The following NAALADL2 variants were observed in gnomAD, a reference collection of about 807,000 sequenced individuals.
NAALADL2 encodes N-acetylated alpha-linked acidic dipeptidase like 2.
In NAALADL2, 76 loss-of-function variants were observed where a neutral mutation model predicts 87.2. The ratio of observed to expected loss-of-function variants is 0.87; its 90% CI spans 0.72 to 1.05. The LOEUF (loss-of-function observed/expected upper bound fraction) is 1.05, where lower values mean the gene tolerates loss of function less well. Among genes scored for constraint, NAALADL2 ranks in the 50% least tolerant of loss-of-function variants. The pLI is 0.00. For missense variants in NAALADL2, 1,089 were observed against 945.8 expected (o/e 1.15, Z -1.99); for synonymous variants, 354 against 331.0 (o/e 1.07, Z -0.75).
chr3:174,737,956 A>T (rs983594867), intron 3 of NAALADL2, among the ~76,000 whole-genome samples: 3 of 152,098 alleles, frequency 2.0e-5, no homozygotes, highest in Non-Finnish European at 4.4e-5. Context: ...TTTGGGTAGC[A>T]TTATATAAAT....
At chr3:174,517,999 A>G (rs1720037603) in intron 1 of NAALADL2, among the ~76,000 whole-genome samples, 2 of 152,122 alleles carry the variant, frequency 1.3e-5, no homozygotes, top group Admixed American at 1.3e-4. Context: ...GAGGTGATCA[A>G]TGGTAATTAA....
intron 1 of NAALADL2, among the ~76,000 whole-genome samples, chr3:174,888,906 G>A (rs1334524033): frequency 4.6e-5 from 7 of 152,118 alleles, no homozygotes; most frequent in African/African-American, 1.4e-4. Context: ...AAAATGTTGC[G>A]TGACAATAAA....
intron 1 of NAALADL2, among the ~76,000 whole-genome samples, chr3:175,060,350 A>G (rs1392708845): frequency 6.6e-6 from 1 of 152,226 alleles, no homozygotes; most frequent in African/African-American, 2.4e-5. Context: ...TTTCATCCAC[A>G]TGTTCCAAAA....
chr3:174,976,198 A>G (rs1744340436), intron 1 of NAALADL2, among the ~76,000 whole-genome samples: 1 of 152,182 alleles, frequency 6.6e-6, no homozygotes, highest in South Asian at 2.1e-4. Flanking sequence ...AAAGATTTGA[A>G]AGCAGTTTTG....
intron 1 of NAALADL2, among the ~76,000 whole-genome samples, chr3:174,954,298 G>A (rs1445874554): frequency 6.6e-6 from 1 of 152,096 alleles, no homozygotes; most frequent in African/African-American, 2.4e-5. Context: ...TTATGCAGAT[G>A]TAACTTGAAT....
At chr3:175,451,021 AG>A (rs1721486333) in intron 6 of NAALADL2, among the ~76,000 whole-genome samples, 1 of 152,160 alleles carries the variant, frequency 6.6e-6, no homozygotes, top group Non-Finnish European at 1.5e-5. Context: ...AAATAGATAT[AG>A]AGAGAAGGTG....
At chr3:175,699,190 T>C (rs1021962183) in intron 11 of NAALADL2, among the ~76,000 whole-genome samples, 8 of 152,112 alleles carry the variant, frequency 5.3e-5, no homozygotes, top group African/African-American at 1.4e-4. Flanking sequence ...CAATACCTTA[T>C]TTGAATCCAT....
intron 2 of NAALADL2, among the ~76,000 whole-genome samples, chr3:174,657,442 C>T (rs972623946): frequency 7.9e-5 from 12 of 151,958 alleles, no homozygotes; most frequent in African/African-American, 2.7e-4. Flanking sequence ...CAGGCATGAG[C>T]GACCCTGCCC....
intron 2 of NAALADL2, 99 bp from the exon 3 acceptor site, chr3:175,233,832 A>G (rs1581038553): frequency 1.5e-6 from 1 of 684,552 alleles, no homozygotes; most frequent in East Asian, 2.7e-5. Flanking sequence ...TCAATATTCC[A>G]CAACATCTAT....
intron 4 of NAALADL2, among the ~76,000 whole-genome samples, chr3:175,272,894 T>A (rs1753055764): frequency 6.6e-6 from 1 of 152,030 alleles, no homozygotes; most frequent in Admixed American, 6.6e-5. Flanking sequence ...AATCAAAGAT[T>A]AAAATAGTTG....
chr3:175,595,656 T>C (rs1722155611), intron 10 of NAALADL2, among the ~76,000 whole-genome samples: 2 of 148,396 alleles, frequency 1.3e-5, no homozygotes, highest in Non-Finnish European at 3.0e-5. Flanking sequence ...ACAGAGAAAA[T>C]GAAAACCTGG....
intron 2 of NAALADL2, among the ~76,000 whole-genome samples, chr3:174,628,318 A>T (rs980973022): frequency 2.0e-5 from 3 of 152,000 alleles, no homozygotes; most frequent in African/African-American, 7.3e-5. Context: ...TCTATTAAAA[A>T]TACAAAAAAT....
At chr3:174,555,814 C>T (rs1033920858) in intron 2 of NAALADL2, among the ~76,000 whole-genome samples, 13 of 152,020 alleles carry the variant, frequency 8.6e-5, no homozygotes, top group African/African-American at 1.2e-4. Flanking sequence ...AATTCTTTTA[C>T]GGCCAGTTCT....
At chr3:174,681,863 C>G (rs1560140783) in intron 2 of NAALADL2, among the ~76,000 whole-genome samples, 1 of 152,156 alleles carries the variant, frequency 6.6e-6, no homozygotes, top group Non-Finnish European at 1.5e-5. Flanking sequence ...GGCCTTGGCT[C>G]TTTGATTGCA....
At chr3:175,183,668 C>T (rs767883358) in intron 2 of NAALADL2, among the ~76,000 whole-genome samples, 10 of 151,956 alleles carry the variant, frequency 6.6e-5, no homozygotes, top group African/African-American at 2.4e-4. Context: ...CCTCGGATCC[C>T]GGTGATAAAT....
intron 2 of NAALADL2, among the ~76,000 whole-genome samples, chr3:174,713,668 T>G (rs1730904968): frequency 6.6e-6 from 1 of 152,106 alleles, no homozygotes; most frequent in Admixed American, 6.5e-5. Flanking sequence ...TCTTGTAAAT[T>G]TGTTTGAGTT....
intron 2 of NAALADL2, among the ~76,000 whole-genome samples, chr3:174,676,806 G>A (rs1359350999): frequency 6.6e-6 from 1 of 151,738 alleles, no homozygotes; most frequent in African/African-American, 2.4e-5. Flanking sequence ...CAAACAAAAT[G>A]TTATAAATTT....
rs570558628 is a variant in NAALADL2 at position 175,033,090 on chromosome 3, A to G, written c.44-63700A>G. 9.2e-5 allele frequency among the ~76,000 whole-genome samples: 14 copies of G among 152,010 alleles called. No individual in the cohort carries two copies. In the East Asian group the frequency reaches 1.8e-3, roughly 19 times the overall value. On this transcript the variant is annotated intron_variant, in intron 1 of 13. Coordinates refer to ENST00000454872, the MANE Select transcript of NAALADL2 (RefSeq NM_207015.3). ...ACACATCTTTTGTTCCTCAAAGCTCAAGCGGGGGATGGAAGAGTAAATGAG... is the reference window on the plus strand; with the variant it reads ...ACACATCTTTTGTTCCTCAAAGCTCGAGCGGGGGATGGAAGAGTAAATGAG...
At chr3:175,522,253 T>G (rs7612550) in intron 9 of NAALADL2, among the ~76,000 whole-genome samples, 140,818 of 151,956 alleles carry the variant, frequency 0.93, 65,323 homozygotes, top group East Asian at 0.97. Flanking sequence ...TATAATGTAA[T>G]TTCATTAGTT....
Sources: gnomAD v4.1 joint callset for allele counts (sites outside exome capture counted in the v4.1 genomes callset) on GRCh38, gnomAD v4.1.1 for gene constraint, MANE v1.5 for transcripts, NCBI Gene and HGNC (gene_info 2026-07-23, HGNC 2026-07-21) for gene names.